Variants in COLQ observed in about 807,000 individuals in gnomAD.
The protein encoded by COLQ is acetylcholinesterase collagenic tail peptide.
A neutral mutation model predicts 69.0 loss-of-function variants in COLQ; 48 were observed. The ratio of observed to expected loss-of-function variants is 0.70; its 90% CI spans 0.55 to 0.88. COLQ has a LOEUF of 0.88. COLQ is among the 40% of genes least tolerant of loss of function. The pLI is 0.00. For synonymous variants in COLQ, 217 were observed against 211.2 expected, an observed-to-expected ratio of 1.03 and a Z score of -0.24; for missense variants, 618 against 594.6, an observed-to-expected ratio of 1.04 and a Z score of -0.41.
intron 1 of COLQ, among the ~76,000 whole-genome samples, chr3:15,517,217 C>T (rs1303227397): frequency 6.6e-6 from 1 of 152,024 alleles, no homozygotes; most frequent in Admixed American, 6.6e-5. Flanking sequence ...CTTTAAAGGC[C>T]AATATCACTA....
chr3:15,494,138 G>A (rs2062711109), intron 1 of COLQ, among the ~76,000 whole-genome samples: 1 of 152,192 alleles, frequency 6.6e-6, no homozygotes, highest in African/African-American at 2.4e-5. Flanking sequence ...GCTAGATTGT[G>A]CTGTTTTGGA....
intron 5 of COLQ, among the ~76,000 whole-genome samples, chr3:15,478,211 A>G (rs2062414447): frequency 1.3e-5 from 2 of 152,350 alleles, no homozygotes; most frequent in East Asian, 3.9e-4. Flanking sequence ...CACTTCAGAC[A>G]GCCACTGTGC....
chr3:15,476,327 C>CA (rs1457655943), intron 6 of COLQ, among the ~76,000 whole-genome samples: 1 of 152,168 alleles, frequency 6.6e-6, no homozygotes, highest in Non-Finnish European at 1.5e-5. Flanking sequence ...AAGGTTAATT[C>CA]AAATAGTTAA....
intron 1 of COLQ, among the ~76,000 whole-genome samples, chr3:15,496,051 C>G (rs1411054088): frequency 1.3e-5 from 2 of 152,214 alleles, no homozygotes; most frequent in African/African-American, 4.8e-5. Flanking sequence ...CAGTGCCTTC[C>G]TTCACCCAGC....
Position 15,466,336 on chromosome 3 carries a change from C to T in COLQ, c.814+5G>A, listed in dbSNP as rs1458510035. 1 of 1,610,508 alleles carries T rather than the reference C, an allele frequency of 6.2e-7. No individual in the cohort carries two copies. The highest frequency in any genetic ancestry group is 8.5e-7 in the Non-Finnish European group (1 of 1,176,772). ...GTGGATCAAGTGAAGCAGTGTAGCTCTTACCTGCAGGTGGGGGGCCTGGGG... is the reference window on the plus strand; with the variant it reads ...GTGGATCAAGTGAAGCAGTGTAGCTTTTACCTGCAGGTGGGGGGCCTGGGG... On this transcript the variant is annotated splice_donor_5th_base_variant and intron_variant, in intron 12 of 16. Coordinates refer to ENST00000383788, the MANE Select transcript of COLQ (RefSeq NM_005677.4).
At chr3:15,482,220 G>A (rs2062499343) in intron 3 of COLQ, among the ~76,000 whole-genome samples, 2 of 152,154 alleles carry the variant, frequency 1.3e-5, no homozygotes, top group South Asian at 2.1e-4. Flanking sequence ...TCTCCTGCCT[G>A]ATTGCCCTGG....
At chr3:15,509,869 A>C (rs1403864799) in intron 1 of COLQ, among the ~76,000 whole-genome samples, 1 of 152,188 alleles carries the variant, frequency 6.6e-6, no homozygotes, top group East Asian at 1.9e-4. Flanking sequence ...TGGAATCTTC[A>C]GCACCGAATA....
At chr3:15,470,664 T>G (rs1426604048) in intron 10 of COLQ, 48 bp from the exon 11 acceptor site, 1 of 1,526,424 alleles carries the variant, frequency 6.6e-7, no homozygotes. Flanking sequence ...GCATGTGGAG[T>G]GGGCACATCT....
At chr3:15,464,667 C>G (rs1559515315) in intron 12 of COLQ, among the ~76,000 whole-genome samples, 1 of 152,156 alleles carries the variant, frequency 6.6e-6, no homozygotes, top group Non-Finnish European at 1.5e-5. Flanking sequence ...GGGGAATACA[C>G]TGTGGAATTG....
chr3:15,459,093 C>T (rs1311640685), intron 12 of COLQ, among the ~76,000 whole-genome samples: 1 of 152,192 alleles, frequency 6.6e-6, no homozygotes, highest in Admixed American at 6.5e-5. Flanking sequence ...ATCCGCCCAC[C>T]TCAGCCTCCC....
chr3:15,496,614 G>C (rs987391224), intron 1 of COLQ, among the ~76,000 whole-genome samples: 3 of 152,256 alleles, frequency 2.0e-5, no homozygotes, highest in Non-Finnish European at 2.9e-5. Flanking sequence ...CTCAGCACCA[G>C]GCAGCTGCCT....
intron 1 of COLQ, among the ~76,000 whole-genome samples, chr3:15,505,157 C>T (rs2062890697): frequency 1.3e-5 from 2 of 152,298 alleles, no homozygotes; most frequent in Middle Eastern, 3.4e-3. Flanking sequence ...TGTCTAGGGG[C>T]CCCTGGAGCT....
At chr3:15,452,158 C>T (rs910345903) in intron 16 of COLQ, among the ~76,000 whole-genome samples, 1 of 150,246 alleles carries the variant, frequency 6.7e-6, no homozygotes, top group Non-Finnish European at 1.5e-5. Context: ...CCTCTGCCTC[C>T]CAGGTTCAAG....
Position 15,467,262 on chromosome 3 carries a change from C to G in COLQ, c.718-825G>C, listed in dbSNP as rs530626577. ...CTGATCTGTAAATCCAGAGGTTTCA[C>G]CTTGACCTTGAGACTCCAGGTAACT... On this transcript the variant is annotated intron_variant, in intron 11 of 16. Transcript: ENST00000383788. Among the ~76,000 whole-genome samples the G allele has an allele frequency of 5.3e-5, 8 of 152,340 alleles. No homozygotes were observed. The East Asian group carries it at 1.5e-3, about 29-fold the overall frequency.
chr3:15,470,537 T>G lies in COLQ; in HGVS notation c.716A>C (p.Gln239Pro). ...PTGRPGKRGK[Q>P]GQKGDSGVMG... is the part of the protein sequence containing the mutation. ...GGTGGTAAGCCCTGGGATCCTTACC[T>G]GCTTGCCTCGTTTTCCTGGTCTTCC... Residue 239 changes from glutamine to proline, a missense_variant and splice_region_variant, in exon 11 of 17, where the codon CAG (glutamine) becomes CCG (proline). By Grantham distance (76) the Gln-to-Pro change is moderately conservative. Transcript: ENST00000383788. The G allele has an allele frequency of 6.2e-7, 1 of 1,613,662 alleles. No homozygotes were observed. The highest frequency in any genetic ancestry group is 1.1e-5 in the South Asian group (1 of 91,042).
At chr3:15,453,990 A>C (rs1210323856) in intron 15 of COLQ, 59 bp from the exon 16 acceptor site, 2 of 1,248,496 alleles carry the variant, frequency 1.6e-6, no homozygotes, top group African/African-American at 3.0e-5. Context: ...GGCTTGCCTC[A>C]GCTTGTAAGG....
chr3:15,490,171 A>C (rs2062640450), intron 1 of COLQ, among the ~76,000 whole-genome samples: 1 of 152,216 alleles, frequency 6.6e-6, no homozygotes, highest in African/African-American at 2.4e-5. Flanking sequence ...TTACGGTTTA[A>C]TGTCTCAATA....
At chr3:15,518,821 C>T (rs781563328) in intron 1 of COLQ, among the ~76,000 whole-genome samples, 1 of 152,160 alleles carries the variant, frequency 6.6e-6, no homozygotes, top group African/African-American at 2.4e-5. Context: ...TACTTGTCTC[C>T]GTGTCCCTTG....
At chr3:15,487,461 A>G (rs1274319831) in intron 3 of COLQ, among the ~76,000 whole-genome samples, 9 of 152,178 alleles carry the variant, frequency 5.9e-5, no homozygotes, top group Non-Finnish European at 1.2e-4. Context: ...AATCCAGGTG[A>G]GCCTTCAAGT....
Sources: allele counts gnomAD v4.1 joint callset (sites outside exome capture counted in the v4.1 genomes callset), GRCh38; gene constraint gnomAD v4.1.1; transcripts MANE v1.5; gene names NCBI Gene and HGNC (gene_info 2026-07-23, HGNC 2026-07-21).